NLRX1: variants seen among roughly 807,000 people sequenced by gnomAD.
The protein encoded by NLRX1 is NLR family member X1.
NLRX1 carries 67 observed loss-of-function variants against 74.2 expected under a neutral mutation model. That is an observed-to-expected ratio of 0.90 (90% confidence interval 0.74 to 1.11). NLRX1 has a LOEUF of 1.11. Ranked by LOEUF, NLRX1 falls within the 50% of genes least tolerant of loss-of-function variation. The pLI, the probability that NLRX1 is intolerant of heterozygous loss-of-function variation, is 0.00. For synonymous variants in NLRX1, 506 were observed against 559.1 expected (o/e 0.91, Z 1.34); for missense variants, 1,191 against 1,305.4 (o/e 0.91, Z 1.35).
intron 6 of NLRX1, among the ~76,000 whole-genome samples, chr11:119,176,408 C>T (rs1948705118): frequency 6.6e-6 from 1 of 152,142 alleles, no homozygotes; most frequent in Admixed American, 6.5e-5. Flanking sequence ...GCCACCATCC[C>T]CAGCTAATTT....
In NLRX1 at chr11:119,172,916, C is replaced by T. The variant is rs1182029065; in HGVS notation, c.156C>T (p.His52=). 3 of 1,613,874 alleles carry T rather than the reference C, an allele frequency of 1.9e-6. No individual in the cohort carries two copies. The highest frequency in any genetic ancestry group is 2.5e-6 in the Non-Finnish European group (3 of 1,179,940). Residue 52 remains histidine, a synonymous_variant, in exon 4 of 10, where the codon CAC becomes CAT. Coordinates refer to ENST00000409109, the MANE Select transcript of NLRX1 (RefSeq NM_001282144.2). ...TTGTTCCCAGGGCCTTTATACGCCA[C>T]CACGGAAGCTCGGTAGATAGCGCTC... ...PFGPPRAFIR[H]HGSSVDSAPP... is the part of the protein sequence containing the mutation.
rs942551970 is a variant in NLRX1, at chr11:119,168,823, C to G, written c.-528C>G. 2 of 152,222 alleles carry G rather than the reference C, an allele frequency of 1.3e-5. No homozygotes were observed. Among genetic ancestry groups the G allele is most frequent in the African/African-American group, 4.8e-5 (2 of 41,448 alleles). 9.4% of individuals were successfully genotyped at this position (152,222 alleles called of 1,614,324 possible). A position where few individuals can be genotyped will look rare whatever the true frequency, so the allele number is the denominator to read the frequency against. On this transcript the variant is annotated 5_prime_UTR_variant, in exon 1 of 10. Coordinates refer to ENST00000409109, the MANE Select transcript of NLRX1 (RefSeq NM_001282144.2). ...CTGCTCCGGAGCACCGGGCCCCTCT[C>G]GCTGACCCCCTCGTCCCAGGACCCC... is the stretch of plus-strand genomic sequence containing the variant.
At chr11:119,172,300 T>G in intron 2 of NLRX1, 56 bp from the exon 3 acceptor site, 1 of 1,350,364 alleles carries the variant, frequency 7.4e-7, no homozygotes, top group Non-Finnish European at 1.1e-6. Flanking sequence ...GATGTAGACA[T>G]GGGTTCTGTG....
rs745653824 is a variant in NLRX1, at chr11:119,175,111, C to A, written c.1508C>A (p.Ala503Asp). 15 of 1,614,074 alleles carry A rather than the reference C, an allele frequency of 9.3e-6. No homozygotes were observed. In the South Asian group the frequency reaches 1.5e-4, roughly 17 times the overall value. ...CCCGCCATGCAGGAATACCTGGCTG[C>A]CCTCTACATTGTGCTGGGTTTGCGC... ...TVPAMQEYLA[A>D]LYIVLGLRKT... The change falls in exon 6 of 10, where the codon GCC (alanine) becomes GAC (aspartate). Residue 503 changes from alanine (A) to aspartate (D), a missense_variant. Coordinates refer to ENST00000409109, the MANE Select transcript of NLRX1 (RefSeq NM_001282144.2).
Position 119,181,957 on chromosome 11 carries a change from C to T in NLRX1, c.2355-137C>T. 6 of 997,382 alleles carry T rather than the reference C, an allele frequency of 6.0e-6. No homozygotes were observed. The South Asian group carries it at 9.0e-5, about 15-fold the overall frequency. 61.8% of individuals were successfully genotyped at this position (997,382 alleles called of 1,614,324 possible). On this transcript the variant is annotated intron_variant, in intron 8 of 9. Transcript: ENST00000409109. The stretch of plus-strand genomic sequence containing the variant: ...TTTCTATGTCCAGGTTCCTCTTGCC[C>T]CATGCAGGGCCCTCTTTGGCCCAAG...
chr11:119,177,231 G>A (rs1351261730), intron 6 of NLRX1, among the ~76,000 whole-genome samples: 1 of 151,730 alleles, frequency 6.6e-6, no homozygotes, highest in Non-Finnish European at 1.5e-5. Flanking sequence ...ACAGGCACCT[G>A]CCACCATGCC....
In NLRX1 at chr11:119,173,751, G is replaced by A. The variant is rs1948614227; in HGVS notation, c.502G>A (p.Val168Met). 1 of 1,613,786 alleles carries A rather than the reference G, an allele frequency of 6.2e-7. No homozygotes were observed. Among genetic ancestry groups the A allele is most frequent in the African/African-American group, 1.3e-5 (1 of 75,072 alleles). The change falls in exon 5 of 10, where the codon GTG (valine) becomes ATG (methionine). Residue 168 changes from valine to methionine, a missense_variant. By Grantham distance (21) the Val-to-Met change is conservative. Coordinates refer to ENST00000409109, the MANE Select transcript of NLRX1 (RefSeq NM_001282144.2). This position sits in a 1 kb window ranked among gnomAD's most constrained non-coding sequence, Gnocchi z 4.0. ...GCAGACAGTGGTGCTGTATGGGACA[G>A]TGGGCACAGGCAAGAGCACGCTGGT... is the stretch of plus-strand genomic sequence containing the variant. ...RVQTVVLYGTVGTGKSTLVRK... is the reference protein window; with the variant it reads ...RVQTVVLYGTMGTGKSTLVRK...
At chr11:119,174,308 C>T in intron 5 of NLRX1, 145 bp from the exon 6 acceptor site, 3 of 1,017,832 alleles carry the variant, frequency 2.9e-6, no homozygotes, top group Non-Finnish European at 1.4e-6. Context: ...TGGATCACAG[C>T]AGGTGTTCAG....
rs1246238213 is a variant in NLRX1 at position 119,183,736 on chromosome 11, C to T, written c.*297C>T. 1.3e-6 allele frequency: 1 copy of T among 777,014 alleles called. No individual in the cohort carries two copies. The highest frequency in any genetic ancestry group is 1.7e-5 in the African/African-American group (1 of 59,110). The allele number at this position is 777,014 out of a possible 1,614,324, so 48.1% of individuals were successfully genotyped here. A position where few individuals can be genotyped will look rare whatever the true frequency, so the allele number is the denominator to read the frequency against. On this transcript the variant is annotated 3_prime_UTR_variant, in exon 10 of 10. Transcript: ENST00000409109. The surrounding 1 kb of genome is among the most constrained non-coding windows in gnomAD (Gnocchi z 5.7). ...TGGATGGCCAGAGTGCCCTGAAGCA[C>T]CACTACCAACCTTGCCTCCCCCTCC...
Position 119,180,234 on chromosome 11 carries a change from ATCCTGCTGGGCTGCGCACAC to A in NLRX1, c.2220_2239del (p.Gly741CysfsTer18), listed in dbSNP as rs1948802598. The A allele has an allele frequency of 6.2e-7, 1 of 1,610,042 alleles. No individual in the cohort carries two copies. Among genetic ancestry groups the A allele is most frequent in the African/African-American group, 1.3e-5 (1 of 74,896 alleles). On this transcript the variant is annotated frameshift_variant, in exon 7 of 10. Coordinates refer to ENST00000409109, the MANE Select transcript of NLRX1 (RefSeq NM_001282144.2). LOFTEE classifies it high-confidence loss of function. ...GTGAACTTGGCCTCCTGCCAGCTAGATCCTGCTGGGCTGCGCACACTCCTGCCTGTCTTCCTGCGTGCCCG... is the reference window on the plus strand; with the variant it reads ...GTGAACTTGGCCTCCTGCCAGCTAGATCCTGCCTGTCTTCCTGCGTGCCCG...
chr11:119,175,337 C>T (rs145787119), intron 6 of NLRX1, 63 bp downstream of exon 6: 2 of 1,416,234 alleles, frequency 1.4e-6, no homozygotes, highest in African/African-American at 1.4e-5. Context: ...CCCAAGCCGC[C>T]CACGCCCCCA....
Position 119,183,988 on chromosome 11 carries a change from C to T in NLRX1, c.*549C>T, listed in dbSNP as rs1220155399. On this transcript the variant is annotated 3_prime_UTR_variant, in exon 10 of 10. Transcript: ENST00000409109. The surrounding 1 kb of genome is among the most constrained non-coding windows in gnomAD (Gnocchi z 5.7). ...CGAGGCAGATGCACCTGACTTGCTG[C>T]TATTAAAAAGCCGTGTGCCTTCTAC... is the stretch of plus-strand genomic sequence containing the variant. The T allele has an allele frequency of 1.3e-6, 1 of 755,160 alleles. No individual in the cohort carries two copies. Among genetic ancestry groups the T allele is most frequent in the South Asian group, 1.4e-5 (1 of 71,534 alleles). The allele number at this position is 755,160 out of a possible 1,614,324, so 46.8% of individuals were successfully genotyped here.
rs1948805271 is a variant in NLRX1 at position 119,180,307 on chromosome 11, G to A, written c.2267+19G>A. ...AGCTGGGGTGAGGACCTATCCTCAT[G>A]CACAGGCATGAAGAGGGAAGAGGGT... On this transcript the variant is annotated intron_variant, in intron 7 of 9. Coordinates refer to ENST00000409109, the MANE Select transcript of NLRX1 (RefSeq NM_001282144.2). 2.0e-6 allele frequency: 3 copies of A among 1,534,676 alleles called. No individual in the cohort carries two copies. In the East Asian group the frequency reaches 6.8e-5, roughly 35 times the overall value.
chr11:119,183,369 A>C lies in NLRX1; in HGVS notation c.2858A>C (p.Lys953Thr), dbSNP rs1390116972. ...SRGATLNPWR[K>T]AQLLRVEGEV... ...GGTGCCACCCTTAATCCTTGGCGCA[A>C]GGCCCAGCTGCTGCGAGTGGAGGGC... Residue 953 changes from lysine to threonine, a missense_variant, in exon 10 of 10, where the codon AAG becomes ACG. Lys to Thr is a moderately conservative substitution (Grantham distance 78, BLOSUM62 -1). Coordinates refer to ENST00000409109, the MANE Select transcript of NLRX1 (RefSeq NM_001282144.2). This position sits in a 1 kb window ranked among gnomAD's most constrained non-coding sequence, Gnocchi z 5.7. The C allele has an allele frequency of 2.5e-6, 4 of 1,614,224 alleles. No homozygotes were observed. Among genetic ancestry groups the C allele is most frequent in the Non-Finnish European group, 1.7e-6 (2 of 1,180,040 alleles).
rs1174387955 is a variant in NLRX1 at position 119,182,357 on chromosome 11, C to G, written c.2606+12C>G. 9 of 1,605,190 alleles carry G rather than the reference C, an allele frequency of 5.6e-6. No individual in the cohort carries two copies. Among genetic ancestry groups the G allele is most frequent in the Non-Finnish European group, 6.8e-6 (8 of 1,175,604 alleles). ...CTGGAACTGCTACAGTGAGTCCTGTCCCTGGTCCCATTGCCCCCAGCCCTT... is the reference window on the plus strand; with the variant it reads ...CTGGAACTGCTACAGTGAGTCCTGTGCCTGGTCCCATTGCCCCCAGCCCTT... On this transcript the variant is annotated intron_variant, in intron 9 of 9. Transcript: ENST00000409109.
rs1948882386 is a variant in NLRX1 at position 119,183,087 on chromosome 11, T to G, written c.2607-31T>G. 6.2e-7 allele frequency: 1 copy of G among 1,603,000 alleles called. No individual in the cohort carries two copies. The highest frequency in any genetic ancestry group is 1.3e-5 in the African/African-American group (1 of 74,834). ...CGGGCCCTCCTTCTCAGAGCTCTACTGAATGGCATCGACTTTCTCTCTCCT... is the reference window on the plus strand; with the variant it reads ...CGGGCCCTCCTTCTCAGAGCTCTACGGAATGGCATCGACTTTCTCTCTCCT... On this transcript the variant is annotated intron_variant, in intron 9 of 9. Coordinates refer to ENST00000409109, the MANE Select transcript of NLRX1 (RefSeq NM_001282144.2). This position sits in a 1 kb window ranked among gnomAD's most constrained non-coding sequence, Gnocchi z 5.7.
rs1452327677 is a variant in NLRX1, at chr11:119,174,618, G to T, written c.1015G>T (p.Gly339Cys). The change falls in exon 6 of 10, where the codon GGT (glycine) becomes TGT (cysteine). Residue 339 changes from glycine to cysteine, a missense_variant. Coordinates refer to ENST00000409109, the MANE Select transcript of NLRX1 (RefSeq NM_001282144.2). ...CTGCGGGTATGCCGTTGGCGGTTCA[G>T]GTGTCTCTGCCACACCAGCTCAGCG... ...PYCGYAVGGS[G>C]VSATPAQRDH... 6.2e-7 allele frequency: 1 copy of T among 1,613,962 alleles called. No homozygotes were observed. Among genetic ancestry groups the T allele is most frequent in the Non-Finnish European group, 8.5e-7 (1 of 1,180,048 alleles).
At chr11:119,180,435 T>A (rs1346183852) in intron 7 of NLRX1, 147 bp downstream of exon 7, 2 of 682,390 alleles carry the variant, frequency 2.9e-6, no homozygotes, top group East Asian at 2.8e-5. Context: ...CCGGGAGCAG[T>A]GGCTCACACC....
Position 119,182,168 on chromosome 11 carries a change from C to A in NLRX1, c.2429C>A (p.Thr810Lys). The change falls in exon 9 of 10, where the codon ACG becomes AAG. Residue 810 changes from threonine to lysine, a missense_variant. Coordinates refer to ENST00000409109, the MANE Select transcript of NLRX1 (RefSeq NM_001282144.2). ...GGGCTGGCAGGAAACACCTCAGTGA[C>A]GCACCTGTCCCTGCTGCACACGGGC... Reference protein sequence around the residue: ...MEGLAGNTSVTHLSLLHTGLG... With the variant: ...MEGLAGNTSVKHLSLLHTGLG... The A allele has an allele frequency of 6.2e-7, 1 of 1,614,136 alleles. No homozygotes were observed. Among genetic ancestry groups the A allele is most frequent in the Non-Finnish European group, 8.5e-7 (1 of 1,180,026 alleles).
Sources: allele counts gnomAD v4.1 joint callset (sites outside exome capture counted in the v4.1 genomes callset), GRCh38; gene constraint gnomAD v4.1.1; non-coding constraint Gnocchi (gnomAD v3.1); transcripts MANE v1.5; gene names NCBI Gene and HGNC (gene_info 2026-07-23, HGNC 2026-07-21).